ABCG5: variants seen among roughly 807,000 people sequenced by gnomAD.
ABCG5 encodes the protein ATP-binding cassette sub-family G member 5.
A neutral mutation model predicts 64.5 loss-of-function variants in ABCG5; 64 were observed. The ratio of observed to expected loss-of-function variants is 0.99; its 90% CI spans 0.81 to 1.22. The LOEUF (loss-of-function observed/expected upper bound fraction) is 1.22. Ranked by LOEUF, ABCG5 falls within the 50% of genes most tolerant of loss-of-function variation. The probability of loss-of-function intolerance (pLI) is 0.00; values close to 1 mark genes in which losing one functional copy is unlikely to be tolerated. For synonymous variants in ABCG5, 385 were observed against 326.3 expected (o/e 1.18, Z -1.94); for missense variants, 908 against 829.5 (o/e 1.09, Z -1.16).
intron 2 of ABCG5, among the ~76,000 whole-genome samples, chr2:43,833,512 A>T (rs1668077256): frequency 6.6e-6 from 1 of 151,032 alleles, no homozygotes; most frequent in South Asian, 2.1e-4. Flanking sequence ...CTTCCTGAGT[A>T]GCTGGGACTG....
Position 43,838,511 on chromosome 2 carries a change from C to A in ABCG5, c.143+26G>T. The A allele has an allele frequency of 6.4e-7, 1 of 1,574,492 alleles. No individual in the cohort carries two copies. The highest frequency in any genetic ancestry group is 8.6e-7 in the Non-Finnish European group (1 of 1,158,926). On this transcript the variant is annotated intron_variant, in intron 1 of 12. Coordinates refer to ENST00000405322, the MANE Select transcript of ABCG5 (RefSeq NM_022436.3). The surrounding 1 kb of genome is among the most constrained non-coding windows in gnomAD (Gnocchi z 4.2). ...GCCGGGCCCCGCACTCCTGGGGGAG[C>A]AGCAGCAGCAAGGGCTCTGCCTTAC...
rs1196066185 is a variant in ABCG5, at chr2:43,838,037, C to A, written c.144-82G>T. The A allele has an allele frequency of 6.3e-7, 1 of 1,586,910 alleles. No homozygotes were observed. Among genetic ancestry groups the A allele is most frequent in the Non-Finnish European group, 8.6e-7 (1 of 1,159,594 alleles). On this transcript the variant is annotated intron_variant, in intron 1 of 12. Coordinates refer to ENST00000405322, the MANE Select transcript of ABCG5 (RefSeq NM_022436.3). This position sits in a 1 kb window ranked among gnomAD's most constrained non-coding sequence, Gnocchi z 4.2. ...CCCAGGTCCCCAGCATTGATCCTAC[C>A]TGTGCCCCACCCCAGTAGTCTCCGG... is the stretch of plus-strand genomic sequence containing the variant.
chr2:43,812,118 A>G (rs977174218), downstream of ABCG5, among the ~76,000 whole-genome samples: 4 of 151,944 alleles, frequency 2.6e-5, no homozygotes, highest in South Asian at 2.1e-4. Context: ...TGGTTCCATC[A>G]TAGCTCACTG....
chr2:43,822,470 T>TA, intron 10 of ABCG5: 1 of 354,564 alleles, frequency 2.8e-6, no homozygotes, highest in Non-Finnish European at 3.6e-6. Context: ...CTTTCTCCCC[T>TA]CCCCCAGGCC....
chr2:43,808,220 A>G (rs1245997242), downstream of ABCG5, among the ~76,000 whole-genome samples: 1 of 151,886 alleles, frequency 6.6e-6, no homozygotes, highest in African/African-American at 2.4e-5. Flanking sequence ...ACATATGATT[A>G]TTACCATGAA....
chr2:43,826,884 C>T (rs1213235895), intron 5 of ABCG5, among the ~76,000 whole-genome samples: 1 of 152,210 alleles, frequency 6.6e-6, no homozygotes, highest in Non-Finnish European at 1.5e-5. Context: ...GTCAAAAAGA[C>T]AACCCCATTT....
At chr2:43,819,050 T>C (rs1018471870) in intron 11 of ABCG5, among the ~76,000 whole-genome samples, 1 of 152,202 alleles carries the variant, frequency 6.6e-6, no homozygotes. Flanking sequence ...TGAAAATGGA[T>C]TGCTCTGAGA....
rs1667602661 is a variant in ABCG5, at chr2:43,826,369, T to G, written c.774+13A>C. The G allele has an allele frequency of 6.2e-7, 1 of 1,613,738 alleles. No homozygotes were observed. Among genetic ancestry groups the G allele is most frequent in the Non-Finnish European group, 8.5e-7 (1 of 1,179,922 alleles). ...ACACCATAGACCCGGCCTTTACGAGTTGAACCTCTTACCTGAAAAAGCTCA... is the reference window on the plus strand; with the variant it reads ...ACACCATAGACCCGGCCTTTACGAGGTGAACCTCTTACCTGAAAAAGCTCA... On this transcript the variant is annotated intron_variant, in intron 6 of 12. Coordinates refer to ENST00000405322, the MANE Select transcript of ABCG5 (RefSeq NM_022436.3).
Position 43,838,499 on chromosome 2 carries a change from C to T in ABCG5, c.143+38G>A. The T allele has an allele frequency of 6.4e-7, 1 of 1,571,682 alleles. No individual in the cohort carries two copies. Among genetic ancestry groups the T allele is most frequent in the Non-Finnish European group, 8.6e-7 (1 of 1,158,264 alleles). ...AGAGGGGTGAGCGCCGGGCCCCGCA[C>T]TCCTGGGGGAGCAGCAGCAGCAAGG... is the stretch of plus-strand genomic sequence containing the variant. On this transcript the variant is annotated intron_variant, in intron 1 of 12. Transcript: ENST00000405322. This position sits in a 1 kb window ranked among gnomAD's most constrained non-coding sequence, Gnocchi z 4.2.
At chr2:43,826,543 A>C in intron 5 of ABCG5, 22 bp from the exon 6 acceptor site, 1 of 1,614,168 alleles carries the variant, frequency 6.2e-7, no homozygotes, top group East Asian at 2.2e-5. Flanking sequence ...GAAGGGCCAG[A>C]CTTCTAAGGT....
chr2:43,825,150 T>C, intron 6 of ABCG5, 132 bp from the exon 7 acceptor site: 1 of 1,117,624 alleles, frequency 8.9e-7, no homozygotes. Flanking sequence ...GGGAAATGCA[T>C]TTCCCATAAG....
In ABCG5 at chr2:43,814,640, C is replaced by G. The variant is rs757444830; in HGVS notation, c.1650-51G>C. 4.7e-6 allele frequency: 5 copies of G among 1,065,812 alleles called. No homozygotes were observed. The African/African-American group carries it at 6.3e-5, about 13-fold the overall frequency. The allele number at this position is 1,065,812 out of a possible 1,614,324, so 66.0% of individuals were successfully genotyped here. A position where few individuals can be genotyped will look rare whatever the true frequency, so the allele number is the denominator to read the frequency against. On this transcript the variant is annotated intron_variant, in intron 11 of 12. Transcript: ENST00000405322. ...AATTCAGTAGGCTCTGGCAATAGTC[C>G]TACCAAATGAAAAGAAAGGCAATCC...
chr2:43,811,545 C>T (rs1263991147), downstream of ABCG5, among the ~76,000 whole-genome samples: 3 of 152,042 alleles, frequency 2.0e-5, no homozygotes, highest in East Asian at 5.8e-4. Context: ...CAGGTTTGTA[C>T]ATGGAATTAC....
At chr2:43,822,478 G>GCTCC (rs1558737214) in intron 10 of ABCG5, 1 of 432,260 alleles carries the variant, frequency 2.3e-6, no homozygotes, top group African/African-American at 2.2e-5. Context: ...CCTCCCCCAG[G>GCTCC]CCCCCCCCCA....
Position 43,824,961 on chromosome 2 carries a change from C to G in ABCG5, c.832G>C (p.Ala278Pro). The G allele has an allele frequency of 6.2e-7, 1 of 1,614,044 alleles. No homozygotes were observed. The highest frequency in any genetic ancestry group is 8.5e-7 in the Non-Finnish European group (1 of 1,179,966). The change falls in exon 7 of 13, where the codon GCG (alanine) becomes CCG (proline). Residue 278 changes from alanine (A) to proline (P), a missense_variant. Physicochemically the swap from Ala to Pro is conservative, Grantham distance 27 (BLOSUM62 -1). Transcript: ENST00000405322. Reference sequence around the variant, plus strand: ...TCATTGAAGAAATCAAGCATTTCCGCTGGCGTGCCACAGAAAATCAGCTCT... The same window carrying G: ...TCATTGAAGAAATCAAGCATTTCCGGTGGCGTGCCACAGAAAATCAGCTCT... ...FGELIFCGTP[A>P]EMLDFFNDCG...
At chr2:43,810,552 G>C (rs1666445612), downstream of ABCG5, 1 of 977,264 alleles carries the variant, frequency 1.0e-6, no homozygotes, top group Non-Finnish European at 1.2e-6. Flanking sequence ...GATTAAAAAT[G>C]ATTTATTCTA....
At position 43,837,895 on chromosome 2, in the gene ABCG5, G is replaced by C; in HGVS notation, c.204C>G (p.Ile68Met). The change falls in exon 2 of 13, where the codon ATC becomes ATG. Residue 68 changes from isoleucine (I) to methionine (M), a missense_variant. By Grantham distance (10) the Ile-to-Met change is conservative (BLOSUM62 1). Transcript: ENST00000405322. ...TSCRQQWTRQILKDVSLYVES... is the reference protein window; with the variant it reads ...TSCRQQWTRQMLKDVSLYVES... ...CCACGTACAAGGAGACATCTTTGAG[G>C]ATCTGCCTGGTCCACTGCTGCCGGC... 6.2e-7 allele frequency: 1 copy of C among 1,614,144 alleles called. No homozygotes were observed.
chr2:43,826,425 A>G lies in ABCG5; in HGVS notation c.731T>C (p.Ile244Thr), dbSNP rs371924715. The change falls in exon 6 of 13, where the codon ATT becomes ACT. Residue 244 changes from isoleucine to threonine, a missense_variant. By Grantham distance (89) the Ile-to-Thr change is moderately conservative (BLOSUM62 -1). Transcript: ENST00000405322. ...GGGCTGGTGAATGGTGAGAACCACAATTCGGTTCCTGCGAGCCAGTTCCAC... is the reference window on the plus strand; with the variant it reads ...GGGCTGGTGAATGGTGAGAACCACAGTTCGGTTCCTGCGAGCCAGTTCCAC... The part of the protein sequence containing the change: ...LLVELARRNR[I>T]VVLTIHQPRS... 3.1e-5 allele frequency: 50 copies of G among 1,614,008 alleles called. No homozygotes were observed. Among genetic ancestry groups the G allele is most frequent in the Admixed American group, 1.8e-4 (11 of 59,994 alleles).
chr2:43,824,577 A>G lies in ABCG5; in HGVS notation c.905-145T>C, dbSNP rs1667472720. 4.5e-6 allele frequency: 7 copies of G among 1,548,388 alleles called. No individual in the cohort carries two copies. In the South Asian group the frequency reaches 8.4e-5, roughly 19 times the overall value. On this transcript the variant is annotated intron_variant, in intron 7 of 12. Coordinates refer to ENST00000405322, the MANE Select transcript of ABCG5 (RefSeq NM_022436.3). ...GGTTAATGCCCACCTATAAAATCAG[A>G]ATACTTTAAAGCATCCCAGCAGGGC...
Sources: allele counts gnomAD v4.1 joint callset (sites outside exome capture counted in the v4.1 genomes callset), GRCh38; gene constraint gnomAD v4.1.1; non-coding constraint Gnocchi (gnomAD v3.1); transcripts MANE v1.5; gene names NCBI Gene and HGNC (gene_info 2026-07-23, HGNC 2026-07-21).